TRPC7: variants seen among roughly 807,000 people sequenced by gnomAD.
TRPC7 encodes transient receptor potential cation channel subfamily C member 7, also known as short transient receptor potential channel 7.
A neutral mutation model predicts 90.1 loss-of-function variants in TRPC7; 42 were observed. The ratio of observed to expected loss-of-function variants is 0.47; its 90% CI spans 0.36 to 0.60. The LOEUF (loss-of-function observed/expected upper bound fraction) is 0.60, where lower values mean the gene tolerates loss of function less well. TRPC7 is among the 20% of genes least tolerant of loss of function. The pLI is 0.00. For missense variants in TRPC7, 955 were observed against 1,112.3 expected (o/e 0.86, Z 2.01); for synonymous variants, 451 against 436.3 (o/e 1.03, Z -0.42).
chr5:136,223,567 C>T (rs933870950), intron 10 of TRPC7, among the ~76,000 whole-genome samples: 4 of 151,658 alleles, frequency 2.6e-5, no homozygotes, highest in African/African-American at 7.3e-5. Flanking sequence ...GAGCCGAGAT[C>T]GCACGATTGC....
At position 136,249,766 on chromosome 5, in the gene TRPC7, C is replaced by T. The variant is rs142605581; in HGVS notation, c.1579+1883G>A. ...GGGGTTTTCTCCTTAGAGCTATTTC[C>T]AAGAGAAAAATTGCCCTATCACAAC... On this transcript the variant is annotated intron_variant, in intron 6 of 11. Coordinates refer to ENST00000513104, the MANE Select transcript of TRPC7 (RefSeq NM_020389.3). Among the ~76,000 whole-genome samples, 1,380 of 152,222 alleles carry T rather than the reference C, an allele frequency of 9.1e-3. 14 individuals carry two copies. The highest frequency in any genetic ancestry group is 0.032 in the African/African-American group (1,310 of 41,536).
intron 8 of TRPC7, among the ~76,000 whole-genome samples, chr5:136,230,503 C>G (rs1441476915): frequency 2.0e-5 from 3 of 152,108 alleles, no homozygotes; most frequent in African/African-American, 7.2e-5. Context: ...TTTTTACCTC[C>G]TACCACTGTA....
chr5:136,339,630 C>T (rs1315061556), intron 2 of TRPC7, among the ~76,000 whole-genome samples: 2 of 152,102 alleles, frequency 1.3e-5, no homozygotes, highest in African/African-American at 4.8e-5. Flanking sequence ...GGTCCTGTGT[C>T]CCCCACCCAG....
chr5:136,244,701 G>A (rs1429832680), intron 7 of TRPC7, among the ~76,000 whole-genome samples: 1 of 152,230 alleles, frequency 6.6e-6, no homozygotes, highest in African/African-American at 2.4e-5. Context: ...TGCATCCCAT[G>A]TGGAGTGGAT....
intron 3 of TRPC7, among the ~76,000 whole-genome samples, chr5:136,310,435 T>C (rs528043419): frequency 6.6e-6 from 1 of 152,292 alleles, no homozygotes; most frequent in East Asian, 1.9e-4. Flanking sequence ...CTTCCCATGG[T>C]CCTGTCCCAG....
chr5:136,355,581 G>A (rs976109953), intron 2 of TRPC7, among the ~76,000 whole-genome samples: 1 of 149,934 alleles, frequency 6.7e-6, no homozygotes, highest in African/African-American at 2.4e-5. Flanking sequence ...GGCAGATCAC[G>A]AGGTCAGGAG....
chr5:136,300,466 C>T (rs1158251053), intron 3 of TRPC7, among the ~76,000 whole-genome samples: 1 of 152,220 alleles, frequency 6.6e-6, no homozygotes, highest in African/African-American at 2.4e-5. Context: ...AAGCTACTCG[C>T]CTCTCTGCTT....
chr5:136,225,936 T>TG (rs1755612768), intron 9 of TRPC7, 98 bp downstream of exon 9: 1 of 998,236 alleles, frequency 1.0e-6, no homozygotes, highest in Non-Finnish European at 1.5e-6. Flanking sequence ...TCCCCTTGCA[T>TG]GGGGTGGGGG....
intron 5 of TRPC7, among the ~76,000 whole-genome samples, chr5:136,256,327 T>A (rs1304610454): frequency 6.6e-6 from 1 of 152,184 alleles, no homozygotes; most frequent in East Asian, 1.9e-4. Flanking sequence ...TGACCTCAAG[T>A]TAGTGCATCT....
intron 3 of TRPC7, among the ~76,000 whole-genome samples, chr5:136,302,092 C>T (rs1216741922): frequency 6.6e-6 from 1 of 152,210 alleles, no homozygotes. Flanking sequence ...AATTTCAATT[C>T]CTTTCATTTT....
At chr5:136,268,068 A>G in intron 4 of TRPC7, among the ~76,000 whole-genome samples, 1 of 152,244 alleles carries the variant, frequency 6.6e-6, no homozygotes, top group East Asian at 1.9e-4. Context: ...TTTTATATAA[A>G]TTCAGTAAAA....
intron 2 of TRPC7, among the ~76,000 whole-genome samples, chr5:136,353,962 T>G (rs561699828): frequency 6.7e-6 from 1 of 149,510 alleles, no homozygotes; most frequent in Non-Finnish European, 1.5e-5. Flanking sequence ...CTAAAAAAAA[T>G]GTCTCAGATG....
chr5:136,333,333 G>A (rs1056595046), intron 2 of TRPC7, among the ~76,000 whole-genome samples: 47 of 152,102 alleles, frequency 3.1e-4, no homozygotes, highest in African/African-American at 1.1e-3. Context: ...TGAGGACAGC[G>A]TAAGTAAAGG....
chr5:136,253,166 A>G (rs1257745860), intron 5 of TRPC7, among the ~76,000 whole-genome samples: 2 of 152,330 alleles, frequency 1.3e-5, no homozygotes, highest in African/African-American at 4.8e-5. Flanking sequence ...TAGGTTAAGT[A>G]TGTTGTTAAT....
chr5:136,363,500 T>C lies in TRPC7; in HGVS notation c.2+1753A>G, dbSNP rs969857321. 4.6e-5 allele frequency among the ~76,000 whole-genome samples: 7 copies of C among 152,160 alleles called. No homozygotes were observed. In the East Asian group the frequency reaches 1.3e-3, roughly 29 times the overall value. ...ATAAAAGAAAAAAAAGATATATACCTAACTACCCCAAGGTATACACGAGTT... is the reference window on the plus strand; with the variant it reads ...ATAAAAGAAAAAAAAGATATATACCCAACTACCCCAAGGTATACACGAGTT... On this transcript the variant is annotated intron_variant, in intron 1 of 11. Transcript: ENST00000513104.
rs1349681835 is a variant in TRPC7 at position 136,259,381 on chromosome 5, A to C, written c.1345+6839T>G. On this transcript the variant is annotated intron_variant, in intron 5 of 11. Coordinates refer to ENST00000513104, the MANE Select transcript of TRPC7 (RefSeq NM_020389.3). Reference sequence around the variant, plus strand: ...CACTTAACAGACATTGTTGAGCTCCACCTTTGTGCCAGCCACCATTAAGAG... The same window carrying C: ...CACTTAACAGACATTGTTGAGCTCCCCCTTTGTGCCAGCCACCATTAAGAG... Among the ~76,000 whole-genome samples the C allele has an allele frequency of 2.0e-5, 3 of 152,126 alleles. 1 individual carries two copies. Among genetic ancestry groups the C allele is most frequent in the Non-Finnish European group, 4.4e-5 (3 of 68,036 alleles).
chr5:136,218,516 G>C (rs1167121799), intron 10 of TRPC7, among the ~76,000 whole-genome samples: 3 of 152,170 alleles, frequency 2.0e-5, no homozygotes, highest in Non-Finnish European at 4.4e-5. Flanking sequence ...GAGCTTTACT[G>C]TTTCTCATGT....
chr5:136,350,442 T>G lies in TRPC7; in HGVS notation c.780+6166A>C, dbSNP rs114851417. Reference sequence around the variant, plus strand: ...CCTGTACCTTGGAGGCAGATACTCATGACATAGACCCTAGAAGAGAAACAT... The same window carrying G: ...CCTGTACCTTGGAGGCAGATACTCAGGACATAGACCCTAGAAGAGAAACAT... On this transcript the variant is annotated intron_variant, in intron 2 of 11. Coordinates refer to ENST00000513104, the MANE Select transcript of TRPC7 (RefSeq NM_020389.3). 5.1e-3 allele frequency among the ~76,000 whole-genome samples: 773 copies of G among 152,318 alleles called. 5 individuals carry two copies. Among genetic ancestry groups the G allele is most frequent in the African/African-American group, 0.018 (735 of 41,572 alleles).
intron 2 of TRPC7, among the ~76,000 whole-genome samples, chr5:136,336,959 C>T (rs925355739): frequency 1.3e-5 from 2 of 152,174 alleles, no homozygotes; most frequent in African/African-American, 2.4e-5. Flanking sequence ...CACAGCAGTT[C>T]ACATTGTATA....
Sources: gnomAD v4.1 joint callset for allele counts (sites outside exome capture counted in the v4.1 genomes callset) on GRCh38, gnomAD v4.1.1 for gene constraint, MANE v1.5 for transcripts, NCBI Gene and HGNC (gene_info 2026-07-23, HGNC 2026-07-21) for gene names.